The following SOX6 variants were observed in gnomAD, a reference collection of about 807,000 sequenced individuals.
SOX6 encodes the protein transcription factor SOX-6.
SOX6 carries 11 observed loss-of-function variants against 97.8 expected under a neutral mutation model. That is an observed-to-expected ratio of 0.11 (90% CI 0.07 to 0.19). The LOEUF is 0.19. Ranked by LOEUF, SOX6 falls within the 10% of genes least tolerant of loss-of-function variation. The pLI is 1.00. For missense variants in SOX6, 810 were observed against 1,039.5 expected, an observed-to-expected ratio of 0.78 and a Z score of 3.04; for synonymous variants, 360 against 371.4, an observed-to-expected ratio of 0.97 and a Z score of 0.35.
upstream of SOX6, among the ~76,000 whole-genome samples, chr11:16,359,920 T>C (rs1401200588): frequency 6.6e-6 from 1 of 152,202 alleles, no homozygotes; most frequent in Non-Finnish European, 1.5e-5. Flanking sequence ...CATTTGCAGA[T>C]GAGCTAAGTG....
At chr11:15,976,452 G>A (rs769149888) in intron 15 of SOX6, among the ~76,000 whole-genome samples, 26 of 152,164 alleles carry the variant, frequency 1.7e-4, no homozygotes, top group African/African-American at 5.3e-4. Context: ...TAGAGTAGAC[G>A]AAAATGTTAA....
At chr11:15,974,534 TC>T (rs1254705374) in intron 15 of SOX6, among the ~76,000 whole-genome samples, 1 of 101,696 alleles carries the variant, frequency 9.8e-6, no homozygotes. Context: ...ATGCTATCCC[TC>T]CCCCCTCCCC....
In SOX6 at chr11:16,583,708, T is replaced by C. The variant is rs1184633509; in HGVS notation, n.609+28373A>G. Among the ~76,000 whole-genome samples the C allele has an allele frequency of 8.7e-5, 13 of 149,204 alleles. No homozygotes were observed. The Admixed American group carries it at 8.8e-4, about 10-fold the overall frequency. ...GTTGATTCCATGTTATTGTGAATAG[T>C]GCTGTAATAAACATAAGAGGGCAGA... is the stretch of plus-strand genomic sequence containing the variant. On this transcript the variant is annotated intron_variant and non_coding_transcript_variant, in intron 4 of 5. Transcript: ENST00000524520.
intron 4 of SOX6, among the ~76,000 whole-genome samples, chr11:16,584,624 C>T (rs552895507): frequency 2.8e-4 from 43 of 152,324 alleles, no homozygotes; most frequent in Non-Finnish European, 5.7e-4. Context: ...CTGGGTTCAA[C>T]TCCTACAGTC....
chr11:16,624,053 G>T (rs1565196259), intron 3 of SOX6, among the ~76,000 whole-genome samples: 1 of 151,988 alleles, frequency 6.6e-6, no homozygotes, highest in Non-Finnish European at 1.5e-5. Flanking sequence ...GCCTATTCTT[G>T]TTCATTACAA....
At chr11:16,422,661 A>G (rs2133066549) in intron 1 of SOX6, among the ~76,000 whole-genome samples, 1 of 152,352 alleles carries the variant, frequency 6.6e-6, no homozygotes, top group South Asian at 2.1e-4. Context: ...CAGCTGAAGG[A>G]GCAAGTAGGC....
intron 6 of SOX6, among the ~76,000 whole-genome samples, chr11:16,174,499 G>A (rs1851130065): frequency 6.6e-6 from 1 of 151,746 alleles, no homozygotes; most frequent in Non-Finnish European, 1.5e-5. Context: ...ACTTTGAGTG[G>A]GAAGTTACTA....
chr11:16,579,993 G>C (rs1429129553), intron 4 of SOX6, among the ~76,000 whole-genome samples: 1 of 152,090 alleles, frequency 6.6e-6, no homozygotes, highest in Non-Finnish European at 1.5e-5. Flanking sequence ...TGCTCTATTT[G>C]TTAACTTTAT....
At chr11:16,474,787 A>T (rs540385092) in intron 1 of SOX6, among the ~76,000 whole-genome samples, 1 of 152,318 alleles carries the variant, frequency 6.6e-6, no homozygotes, top group African/African-American at 2.4e-5. Context: ...CTCTAACAAA[A>T]GAGTCCACTT....
At chr11:16,016,716 G>C (rs553524139) in intron 12 of SOX6, among the ~76,000 whole-genome samples, 122 of 152,154 alleles carry the variant, frequency 8.0e-4, no homozygotes, top group African/African-American at 2.7e-3. Context: ...AAGAATTAAA[G>C]TGGAGATGAG....
At chr11:16,284,146 T>C (rs1278176152) in intron 3 of SOX6, among the ~76,000 whole-genome samples, 3 of 152,270 alleles carry the variant, frequency 2.0e-5, no homozygotes, top group South Asian at 2.1e-4. Flanking sequence ...GCTTCTGATA[T>C]CTCTTACAGT....
intron 3 of SOX6, among the ~76,000 whole-genome samples, chr11:16,615,798 A>G (rs1390135191): frequency 6.6e-6 from 1 of 152,182 alleles, no homozygotes; most frequent in African/African-American, 2.4e-5. Flanking sequence ...ACACTTCTGA[A>G]ACATCCAGAT....
intron 3 of SOX6, among the ~76,000 whole-genome samples, chr11:16,630,270 A>G (rs1848687109): frequency 6.6e-6 from 1 of 152,088 alleles, no homozygotes; most frequent in Admixed American, 6.5e-5. Flanking sequence ...TGCATCCCAG[A>G]GATTTTGGTA....
At chr11:16,647,166 T>C (rs1403128136) in intron 3 of SOX6, among the ~76,000 whole-genome samples, 2 of 152,192 alleles carry the variant, frequency 1.3e-5, no homozygotes, top group Admixed American at 1.3e-4. Context: ...TGTGAGGCTT[T>C]TCACCCACTC....
intron 3 of SOX6, among the ~76,000 whole-genome samples, chr11:16,644,100 G>C (rs1469651185): frequency 6.6e-6 from 1 of 152,118 alleles, no homozygotes; most frequent in Non-Finnish European, 1.5e-5. Context: ...GAGTGCAATG[G>C]TACAATCATG....
intron 4 of SOX6, among the ~76,000 whole-genome samples, chr11:16,563,317 T>C (rs1031571425): frequency 1.3e-5 from 2 of 152,270 alleles, no homozygotes; most frequent in South Asian, 4.1e-4. Flanking sequence ...GGTTGGTGCA[T>C]GCGTTTAGTT....
chr11:15,983,373 C>G (rs953937885), intron 15 of SOX6, among the ~76,000 whole-genome samples: 1 of 152,024 alleles, frequency 6.6e-6, no homozygotes, highest in East Asian at 1.9e-4. Context: ...ATAAAAAAAA[C>G]TAACTCATCA....
intron 13 of SOX6, among the ~76,000 whole-genome samples, chr11:15,993,487 C>T (rs1854119236): frequency 6.6e-6 from 1 of 152,086 alleles, no homozygotes. Flanking sequence ...AGTTATGTAC[C>T]TGGAGACGGC....
intron 4 of SOX6, among the ~76,000 whole-genome samples, chr11:16,521,114 T>C (rs1449716808): frequency 6.6e-6 from 1 of 152,176 alleles, no homozygotes; most frequent in Non-Finnish European, 1.5e-5. Context: ...GTCTGACAGC[T>C]TTGAAGAGAG....
Sources: allele counts gnomAD v4.1 joint callset (sites outside exome capture counted in the v4.1 genomes callset), GRCh38; gene constraint gnomAD v4.1.1; transcripts MANE v1.5; gene names NCBI Gene and HGNC (gene_info 2026-07-23, HGNC 2026-07-21).